The following QNG1 variants were observed in gnomAD, a reference collection of about 807,000 sequenced individuals.
QNG1 encodes the protein Q-nucleotide N-glycosylase 1.
chr9:83,947,252 G>GA, the QNG1 span, among the ~76,000 whole-genome samples: 2 of 151,998 alleles, frequency 1.3e-5, no homozygotes, highest in African/African-American at 2.4e-5. Context: ...CCTTGGAGGA[G>GA]AATATTTTAA....
the QNG1 span, among the ~76,000 whole-genome samples, chr9:83,948,246 C>T: frequency 1.7e-4 from 26 of 151,166 alleles, no homozygotes; most frequent in Non-Finnish European, 3.1e-4. Context: ...CCGGCCGCCC[C>T]GTCTGAGAAG....
At chr9:83,953,850 A>G in the QNG1 span, 3 of 1,525,230 alleles carry the variant, frequency 2.0e-6, no homozygotes, top group African/African-American at 1.4e-5. Flanking sequence ...TACACTGTGT[A>G]TGAAAAAGAA....
the QNG1 span, chr9:83,953,734 T>C: frequency 7.3e-7 from 1 of 1,377,350 alleles, no homozygotes; most frequent in Non-Finnish European, 1.0e-6. Context: ...CTCGGCTCAC[T>C]GCAACCTCCC....
chr9:83,945,315 C>A, the QNG1 span, among the ~76,000 whole-genome samples: 63 of 150,702 alleles, frequency 4.2e-4, no homozygotes, highest in African/African-American at 1.5e-3. Flanking sequence ...GTGGGAGAAT[C>A]GCATGAGCCT....
At chr9:83,939,616 C>G in the QNG1 span, 1 of 1,613,094 alleles carries the variant, frequency 6.2e-7, no homozygotes, top group East Asian at 2.2e-5. Flanking sequence ...TGGAATTGAT[C>G]TCTCCATTAG....
At chr9:83,956,492 C>G in the QNG1 span, 15 of 1,522,312 alleles carry the variant, frequency 9.9e-6, no homozygotes, top group Non-Finnish European at 1.2e-5. Flanking sequence ...GATTTAGGAG[C>G]CCGTCCATTC....
the QNG1 span, among the ~76,000 whole-genome samples, chr9:83,948,906 A>G: frequency 4.6e-5 from 7 of 152,082 alleles, no homozygotes; most frequent in Admixed American, 6.6e-5. Context: ...ATGCTCCTTA[A>G]GAGTCATCAC....
At chr9:83,944,801 A>G in the QNG1 span, 2 of 1,610,890 alleles carry the variant, frequency 1.2e-6, no homozygotes, top group Non-Finnish European at 1.7e-6. Flanking sequence ...AACCTTTGAG[A>G]AGCTTCTTCA....
chr9:83,955,481 G>A, the QNG1 span: 2 of 1,614,134 alleles, frequency 1.2e-6, no homozygotes, highest in East Asian at 2.2e-5. Flanking sequence ...GTTGAGAAAA[G>A]AGCCTCCAAA....
At chr9:83,951,562 AAAC>A in the QNG1 span, among the ~76,000 whole-genome samples, 2 of 152,254 alleles carry the variant, frequency 1.3e-5, no homozygotes, top group African/African-American at 2.4e-5. Context: ...CTGTCTCAAA[AAAC>A]AACAACAAAA....
chr9:83,955,860 T>C, the QNG1 span, among the ~76,000 whole-genome samples: 4 of 152,234 alleles, frequency 2.6e-5, no homozygotes, highest in Non-Finnish European at 5.9e-5. Flanking sequence ...AGATGTATTC[T>C]GAGTAAATTG....
chr9:83,956,064 A>G, the QNG1 span: 1 of 1,222,144 alleles, frequency 8.2e-7, no homozygotes, highest in Non-Finnish European at 1.2e-6. Flanking sequence ...GCTTTCCATT[A>G]TTCCATCTCC....
At chr9:83,950,667 C>T in the QNG1 span, among the ~76,000 whole-genome samples, 2 of 149,658 alleles carry the variant, frequency 1.3e-5, no homozygotes, top group Non-Finnish European at 3.0e-5. Flanking sequence ...GGCTCAATCA[C>T]GGCTCACTGC....
At chr9:83,954,879 C>CAAAAA in the QNG1 span, among the ~76,000 whole-genome samples, 2 of 47,038 alleles carry the variant, frequency 4.3e-5, no homozygotes, top group Non-Finnish European at 8.2e-5. Flanking sequence ...GAGTCCATCT[C>CAAAAA]AAAAAAAAAA....
the QNG1 span, among the ~76,000 whole-genome samples, chr9:83,946,883 G>A: frequency 6.6e-6 from 1 of 151,998 alleles, no homozygotes; most frequent in Non-Finnish European, 1.5e-5. Flanking sequence ...ACAGGCATGA[G>A]CCACCATGCC....
the QNG1 span, among the ~76,000 whole-genome samples, chr9:83,946,228 T>C: frequency 6.6e-6 from 1 of 151,724 alleles, no homozygotes; most frequent in African/African-American, 2.4e-5. Flanking sequence ...TTGCTTGAAC[T>C]TGAGTGGCAG....
At chr9:83,952,532 A>C in the QNG1 span, among the ~76,000 whole-genome samples, 10 of 152,070 alleles carry the variant, frequency 6.6e-5, no homozygotes, top group Admixed American at 1.3e-4. Flanking sequence ...GCGGTGGCTC[A>C]CGCCTGTAAT....
chr9:83,945,953 T>A, the QNG1 span, among the ~76,000 whole-genome samples: 1 of 151,856 alleles, frequency 6.6e-6, no homozygotes, highest in African/African-American at 2.4e-5. Flanking sequence ...GAAAGTTTCT[T>A]AAATTAAAAC....
At chr9:83,940,191 G>A in the QNG1 span, among the ~76,000 whole-genome samples, 1 of 152,124 alleles carries the variant, frequency 6.6e-6, no homozygotes, top group Non-Finnish European at 1.5e-5. Context: ...GATTACTTGA[G>A]CTCAGGAGTT....
Sources: allele counts gnomAD v4.1 joint callset (sites outside exome capture counted in the v4.1 genomes callset), GRCh38; gene constraint gnomAD v4.1.1; transcripts MANE v1.5; gene names NCBI Gene and HGNC (gene_info 2026-07-23, HGNC 2026-07-21).